The following CRACD variants were observed in gnomAD, a reference collection of about 807,000 sequenced individuals.
CRACD encodes the protein capping protein-inhibiting regulator of actin dynamics.
A neutral mutation model predicts 106.8 loss-of-function variants in CRACD; 56 were observed. The ratio of observed to expected loss-of-function variants is 0.52; its 90% CI spans 0.42 to 0.66. CRACD has a LOEUF of 0.66. CRACD is among the 30% of genes least tolerant of loss of function. CRACD has a pLI of 0.00. For missense variants in CRACD, 1,730 were observed against 1,623.2 expected, an observed-to-expected ratio of 1.07 and a Z score of -1.13; for synonymous variants, 754 against 670.8, an observed-to-expected ratio of 1.12 and a Z score of -1.92.
At chr4:56,186,317 G>A (rs1262907713) in intron 2 of CRACD, among the ~76,000 whole-genome samples, 1 of 152,170 alleles carries the variant, frequency 6.6e-6, no homozygotes, top group East Asian at 1.9e-4. Context: ...GACTTCCTGG[G>A]AGTGTAGTGT....
At chr4:56,292,434 TTTGA>T (rs1743748411) in intron 3 of CRACD, among the ~76,000 whole-genome samples, 1 of 152,188 alleles carries the variant, frequency 6.6e-6, no homozygotes, top group Non-Finnish European at 1.5e-5. Context: ...TAGCTCAGTC[TTTGA>T]TTGGATTGAA....
intron 2 of CRACD, among the ~76,000 whole-genome samples, chr4:56,241,179 G>A (rs987245467): frequency 2.0e-5 from 3 of 152,168 alleles, no homozygotes; most frequent in Non-Finnish European, 4.4e-5. Context: ...ATTCAGTACA[G>A]GGCTTGTGTG....
intron 4 of CRACD, among the ~76,000 whole-genome samples, chr4:56,307,250 C>T (rs973167389): frequency 2.0e-5 from 3 of 151,924 alleles, no homozygotes; most frequent in Non-Finnish European, 4.4e-5. Context: ...GAAAATGTGG[C>T]CACCATGCCC....
chr4:56,147,093 C>T (rs1254858144), intron 1 of CRACD, among the ~76,000 whole-genome samples: 5 of 152,104 alleles, frequency 3.3e-5, no homozygotes, highest in African/African-American at 7.2e-5. Flanking sequence ...AGGCCAGTAG[C>T]GGTGGGCTAA....
rs1560540058 is a variant in CRACD at position 56,316,706 on chromosome 4, TG to T, written c.3187+20del. 5 of 1,590,192 alleles carry T rather than the reference TG, an allele frequency of 3.1e-6. No homozygotes were observed. The South Asian group carries it at 5.6e-5, about 18-fold the overall frequency. On this transcript the variant is annotated intron_variant, in intron 8 of 10. Transcript: ENST00000682029. ...GGAGGAAAGGTAGGTAGCTGCAGGGTGGGTAACTGCTGCCAGCCGAGGTGTC... is the reference window on the plus strand; with the variant it reads ...GGAGGAAAGGTAGGTAGCTGCAGGGTGGTAACTGCTGCCAGCCGAGGTGTC...
intron 1 of CRACD, among the ~76,000 whole-genome samples, chr4:56,138,161 A>G (rs1305421540): frequency 6.6e-6 from 1 of 152,078 alleles, no homozygotes; most frequent in Non-Finnish European, 1.5e-5. Context: ...ATGGGATGAT[A>G]AAAGGGATAA....
At chr4:56,229,335 C>T (rs538807664) in intron 2 of CRACD, among the ~76,000 whole-genome samples, 2 of 152,250 alleles carry the variant, frequency 1.3e-5, no homozygotes, top group Admixed American at 1.3e-4. Flanking sequence ...TTCCGCTCTT[C>T]GAGGACACCA....
At chr4:56,129,108 C>G (rs1734745001) in intron 1 of CRACD, among the ~76,000 whole-genome samples, 1 of 152,132 alleles carries the variant, frequency 6.6e-6, no homozygotes, top group Admixed American at 6.6e-5. Context: ...CAAGGACTCA[C>G]TCTGTCACCC....
intron 2 of CRACD, among the ~76,000 whole-genome samples, chr4:56,267,732 A>C (rs1164459019): frequency 6.6e-6 from 1 of 152,176 alleles, no homozygotes; most frequent in African/African-American, 2.4e-5. Flanking sequence ...TTCCCATGTC[A>C]TTATAAGTGC....
chr4:56,141,551 C>G (rs1356679549), intron 1 of CRACD, among the ~76,000 whole-genome samples: 1 of 151,748 alleles, frequency 6.6e-6, no homozygotes, highest in East Asian at 1.9e-4. Flanking sequence ...GAGCTGTGAT[C>G]GTACCATTGC....
intron 2 of CRACD, among the ~76,000 whole-genome samples, chr4:56,215,536 T>A (rs1437840251): frequency 6.6e-6 from 1 of 152,242 alleles, no homozygotes; most frequent in Non-Finnish European, 1.5e-5. Context: ...TTGTTTTACT[T>A]TATCTTTCTT....
intron 1 of CRACD, among the ~76,000 whole-genome samples, chr4:56,111,892 G>T (rs1175974442): frequency 5.3e-5 from 8 of 152,164 alleles, no homozygotes; most frequent in Non-Finnish European, 1.2e-4. Flanking sequence ...CCTAAGAGGG[G>T]AGAAAAAGGG....
chr4:56,087,274 A>G (rs1733260955), intron 1 of CRACD, among the ~76,000 whole-genome samples: 1 of 152,138 alleles, frequency 6.6e-6, no homozygotes, highest in African/African-American at 2.4e-5. Context: ...GGGCCTCCCA[A>G]AGTGCTGGGA....
Position 56,240,796 on chromosome 4 carries a change from G to C in CRACD, c.-188-31525G>C, listed in dbSNP as rs1012635263. Among the ~76,000 whole-genome samples the C allele has an allele frequency of 3.3e-5, 5 of 152,208 alleles. No individual in the cohort carries two copies. The East Asian group carries it at 7.7e-4, about 23-fold the overall frequency. ...GCCACACCTACTTGATCTTCAAAAAGAAGATTCTTAGGTTTGTCTTCTGTG... is the reference window on the plus strand; with the variant it reads ...GCCACACCTACTTGATCTTCAAAAACAAGATTCTTAGGTTTGTCTTCTGTG... On this transcript the variant is annotated intron_variant, in intron 2 of 10. Transcript: ENST00000682029.
intron 3 of CRACD, among the ~76,000 whole-genome samples, chr4:56,282,126 A>T (rs1743072809): frequency 6.6e-6 from 1 of 152,168 alleles, no homozygotes; most frequent in Admixed American, 6.5e-5. Context: ...AGACTCACGG[A>T]TCTGTTTAGG....
At chr4:56,126,088 G>T (rs1734654746) in intron 1 of CRACD, among the ~76,000 whole-genome samples, 1 of 151,962 alleles carries the variant, frequency 6.6e-6, no homozygotes, top group South Asian at 2.1e-4. Flanking sequence ...TTTGATGCTT[G>T]TATTGTCCCA....
intron 1 of CRACD, among the ~76,000 whole-genome samples, chr4:56,056,089 A>G (rs938499635): frequency 2.0e-5 from 3 of 152,140 alleles, no homozygotes; most frequent in Non-Finnish European, 4.4e-5. Flanking sequence ...GATTTTTGAG[A>G]TGTCTCATTC....
chr4:56,085,917 T>G (rs146030712), intron 1 of CRACD, among the ~76,000 whole-genome samples: 3,683 of 152,336 alleles, frequency 0.024, 65 homozygotes, highest in Admixed American at 0.058. Flanking sequence ...ATGTATTTAT[T>G]CATGGTATAG....
chr4:56,168,842 C>G (rs1474251714), intron 1 of CRACD, among the ~76,000 whole-genome samples: 3 of 152,008 alleles, frequency 2.0e-5, no homozygotes, highest in Admixed American at 6.6e-5. Context: ...AAAGATTTTC[C>G]CCCATCATAC....
Sources: gnomAD v4.1 joint callset for allele counts (sites outside exome capture counted in the v4.1 genomes callset) on GRCh38, gnomAD v4.1.1 for gene constraint, MANE v1.5 for transcripts, NCBI Gene and HGNC (gene_info 2026-07-23, HGNC 2026-07-21) for gene names.